KIZ: variants seen among roughly 807,000 people sequenced by gnomAD.
KIZ encodes the protein centrosomal protein kizuna.
KIZ carries 68 observed loss-of-function variants against 79.6 expected under a neutral mutation model. That is an observed-to-expected ratio of 0.85 (90% CI 0.70 to 1.05). The LOEUF (loss-of-function observed/expected upper bound fraction) is 1.05. Among genes scored for constraint, KIZ ranks in the 50% least tolerant of loss-of-function variants. The pLI is 0.00. For missense variants in KIZ, 797 were observed against 800.4 expected (o/e 1.00, Z 0.05); for synonymous variants, 280 against 281.8 (o/e 0.99, Z 0.06).
chr20:21,232,753 T>C lies in KIZ; in HGVS notation c.1803T>C (p.Gly601=), dbSNP rs1249292698. 5 of 1,583,594 alleles carry C rather than the reference T, an allele frequency of 3.2e-6. No homozygotes were observed. In the African/African-American group the frequency reaches 6.7e-5, roughly 21 times the overall value. The part of the protein sequence containing the change: ...SHLSGLNIGS[G]AFETKTANKI... The stretch of plus-strand genomic sequence containing the variant: ...TCACAGGTTTGAATATTGGCAGCGG[T>C]GCATTCGAGACAAAGACAGCTAACA... Residue 601 remains glycine, a synonymous_variant, in exon 11 of 13, where the codon GGT becomes GGC. Coordinates refer to ENST00000619189, the MANE Select transcript of KIZ (RefSeq NM_018474.6).
chr20:21,128,784 GC>G (rs1328506620), intron 1 of KIZ, among the ~76,000 whole-genome samples: 3 of 152,144 alleles, frequency 2.0e-5, no homozygotes, highest in African/African-American at 7.2e-5. Context: ...TTAGCCAGCC[GC>G]GGTTTTTTCA....
chr20:21,224,858 AAAGAT>A (rs1394384164), intron 9 of KIZ, among the ~76,000 whole-genome samples: 20 of 152,240 alleles, frequency 1.3e-4, no homozygotes, highest in Non-Finnish European at 2.6e-4. Flanking sequence ...AAAAGAGAAA[AAAGAT>A]AAGAAGTTGA....
chr20:21,136,237 A>G (rs957576531), intron 2 of KIZ, among the ~76,000 whole-genome samples, 153 bp from the exon 3 acceptor site: 3 of 152,104 alleles, frequency 2.0e-5, no homozygotes, highest in Non-Finnish European at 4.4e-5. Context: ...CTCTCCAAAA[A>G]TGTGTATATA....
intron 6 of KIZ, chr20:21,194,016 T>G (rs558654286): frequency 6.6e-6 from 1 of 152,024 alleles, no homozygotes. Context: ...AATAATAAAA[T>G]TAGACAAACA....
intron 8 of KIZ, among the ~76,000 whole-genome samples, chr20:21,214,976 G>A (rs1300388994): frequency 4.6e-5 from 7 of 152,072 alleles, no homozygotes; most frequent in South Asian, 2.1e-4. Flanking sequence ...AAAACTAATC[G>A]CTTGGCAGTA....
chr20:21,189,798 T>G (rs1174345644), intron 6 of KIZ, among the ~76,000 whole-genome samples: 4 of 152,160 alleles, frequency 2.6e-5, no homozygotes, highest in African/African-American at 7.2e-5. Context: ...GGAGCGTTGT[T>G]TGCTGACCCC....
intron 11 of KIZ, among the ~76,000 whole-genome samples, chr20:21,233,137 CAG>C (rs767712444): frequency 4.3e-4 from 66 of 152,114 alleles, no homozygotes; most frequent in Non-Finnish European, 7.9e-4. Flanking sequence ...TGGAGGTTGT[CAG>C]AAAAAGGGCA....
intron 3 of KIZ, among the ~76,000 whole-genome samples, chr20:21,140,734 T>C (rs1385961953): frequency 6.6e-6 from 1 of 152,112 alleles, no homozygotes; most frequent in Non-Finnish European, 1.5e-5. Flanking sequence ...ATCCCAGTGC[T>C]TTAGGAGGCT....
At chr20:21,202,826 T>C (rs1393375825) in intron 6 of KIZ, among the ~76,000 whole-genome samples, 1 of 152,200 alleles carries the variant, frequency 6.6e-6, no homozygotes, top group Non-Finnish European at 1.5e-5. Flanking sequence ...CAGACACTAA[T>C]ATACATTTAA....
At chr20:21,176,305 G>A (rs986815378) in intron 6 of KIZ, among the ~76,000 whole-genome samples, 1 of 152,056 alleles carries the variant, frequency 6.6e-6, no homozygotes, top group Non-Finnish European at 1.5e-5. Context: ...GTGAGACTCT[G>A]TCTCAAATCA....
chr20:21,163,194 T>C (rs748001358), intron 6 of KIZ, 35 bp downstream of exon 6: 1 of 1,412,716 alleles, frequency 7.1e-7, no homozygotes, highest in Non-Finnish European at 9.8e-7. Flanking sequence ...TACTGTTCTG[T>C]TTTTAATTGT....
At chr20:21,195,200 A>G (rs1327039423) in intron 6 of KIZ, 2 of 152,242 alleles carry the variant, frequency 1.3e-5, no homozygotes, top group East Asian at 1.9e-4. Context: ...ACTTATATTG[A>G]TAAGATCGGC....
At chr20:21,151,718 A>T (rs1205471604) in intron 4 of KIZ, 1 of 152,232 alleles carries the variant, frequency 6.6e-6, no homozygotes, top group African/African-American at 2.4e-5. Flanking sequence ...GCAGTCTTAA[A>T]AAAAAAGTTA....
intron 6 of KIZ, among the ~76,000 whole-genome samples, chr20:21,181,462 GTT>G (rs545371209): frequency 2.8e-5 from 4 of 142,964 alleles, no homozygotes; most frequent in Non-Finnish European, 4.6e-5. Flanking sequence ...ATCTATCCAA[GTT>G]TTTTTTTTTT....
intron 4 of KIZ, among the ~76,000 whole-genome samples, chr20:21,156,802 A>T (rs777420829): frequency 6.6e-6 from 1 of 152,224 alleles, no homozygotes; most frequent in African/African-American, 2.4e-5. Context: ...GAAAAAAATC[A>T]TAGCTTATAT....
chr20:21,234,240 G>A (rs2036924189), intron 11 of KIZ, among the ~76,000 whole-genome samples: 1 of 151,920 alleles, frequency 6.6e-6, no homozygotes, highest in African/African-American at 2.4e-5. Context: ...CTAAAATCAA[G>A]CATTTTCCTC....
At position 21,136,531 on chromosome 20, in the gene KIZ, A is replaced by C; in HGVS notation, c.294A>C (p.Thr98=). The C allele has an allele frequency of 6.4e-7, 1 of 1,565,674 alleles. No individual in the cohort carries two copies. Among genetic ancestry groups the C allele is most frequent in the Non-Finnish European group, 8.6e-7 (1 of 1,160,030 alleles). ...ATGTTGTACACTTCACCACAAATAC[A>C]GAGAAGCTTCAAAAACTGAAGGTGA... ...QAHVVHFTTN[T]EKLQKLKLEY... The change falls in exon 3 of 13, where the codon ACA becomes ACC. Residue 98 remains threonine, a synonymous_variant. Coordinates refer to ENST00000619189, the MANE Select transcript of KIZ (RefSeq NM_018474.6).
At chr20:21,206,071 C>T (rs2035816023) in intron 7 of KIZ, among the ~76,000 whole-genome samples, 1 of 152,128 alleles carries the variant, frequency 6.6e-6, no homozygotes, top group Non-Finnish European at 1.5e-5. Flanking sequence ...TTTTAACTTT[C>T]TGACCTTGGG....
intron 1 of KIZ, among the ~76,000 whole-genome samples, chr20:21,128,029 T>G (rs2031594965): frequency 6.6e-6 from 1 of 152,246 alleles, no homozygotes; most frequent in South Asian, 2.1e-4. Context: ...GTTTATTTGT[T>G]TGAAACATAG....
Sources: allele counts gnomAD v4.1 joint callset (sites outside exome capture counted in the v4.1 genomes callset), GRCh38; gene constraint gnomAD v4.1.1; transcripts MANE v1.5; gene names NCBI Gene and HGNC (gene_info 2026-07-23, HGNC 2026-07-21).